The following SULF1 variants were observed in gnomAD, a reference collection of about 807,000 sequenced individuals.
SULF1 encodes sulfatase 1.
In SULF1, 46 loss-of-function variants were observed where a neutral mutation model predicts 110.5. The observed-to-expected ratio is 0.42, with a 90% CI of 0.33 to 0.53. SULF1 has a LOEUF of 0.53. Ranked by LOEUF, SULF1 falls within the 20% of genes least tolerant of loss-of-function variation. The pLI is 0.12. For missense variants in SULF1, 941 were observed against 1,094.2 expected, an observed-to-expected ratio of 0.86 and a Z score of 1.98; for synonymous variants, 371 against 387.1, an observed-to-expected ratio of 0.96 and a Z score of 0.49.
At chr8:69,575,438 G>A (rs1805536501) in intron 5 of SULF1, among the ~76,000 whole-genome samples, 1 of 152,184 alleles carries the variant, frequency 6.6e-6, no homozygotes, top group Non-Finnish European at 1.5e-5. Context: ...ATACCAACTT[G>A]CATTGAAGAT....
intron 8 of SULF1, among the ~76,000 whole-genome samples, chr8:69,594,260 A>G (rs1425025892): frequency 6.6e-6 from 1 of 152,184 alleles, no homozygotes; most frequent in African/African-American, 2.4e-5. Flanking sequence ...CATGTTGTTC[A>G]GGCTGGTCTT....
intron 1 of SULF1, among the ~76,000 whole-genome samples, chr8:69,494,696 G>A (rs1410363712): frequency 6.6e-6 from 1 of 152,154 alleles, no homozygotes; most frequent in East Asian, 1.9e-4. Flanking sequence ...GCTTTGATGA[G>A]ATCTGGATTT....
chr8:69,631,047 G>A (rs1810499371), intron 19 of SULF1, among the ~76,000 whole-genome samples: 1 of 151,926 alleles, frequency 6.6e-6, no homozygotes, highest in African/African-American at 2.4e-5. Flanking sequence ...CTCTTTCGGA[G>A]AGCGTGGGGA....
At chr8:69,570,915 C>T (rs1409915572) in intron 5 of SULF1, among the ~76,000 whole-genome samples, 2 of 152,206 alleles carry the variant, frequency 1.3e-5, no homozygotes, top group Non-Finnish European at 2.9e-5. Context: ...CCTTCCCTCT[C>T]ATCAAGCCAG....
intron 6 of SULF1, among the ~76,000 whole-genome samples, chr8:69,577,201 T>C (rs1805670894): frequency 6.6e-6 from 1 of 152,206 alleles, no homozygotes; most frequent in Non-Finnish European, 1.5e-5. Flanking sequence ...GGAAAGAAAC[T>C]AGGTTACGTA....
At chr8:69,544,556 C>T (rs1370734092) in intron 3 of SULF1, among the ~76,000 whole-genome samples, 1 of 152,166 alleles carries the variant, frequency 6.6e-6, no homozygotes, top group Non-Finnish European at 1.5e-5. Context: ...GGTGAGCCAC[C>T]ACACCTGGCC....
chr8:69,628,134 G>C (rs774308906), intron 17 of SULF1, 37 bp from the exon 18 acceptor site: 1 of 1,529,292 alleles, frequency 6.5e-7, no homozygotes, highest in African/African-American at 1.4e-5. Flanking sequence ...CCAATGCAAG[G>C]CTATGAAGTC....
chr8:69,567,989 C>T (rs1263379854), intron 5 of SULF1, among the ~76,000 whole-genome samples: 1 of 152,178 alleles, frequency 6.6e-6, no homozygotes. Flanking sequence ...CACATCCATG[C>T]CCACACTTGT....
Position 69,640,730 on chromosome 8 carries a change from T to C in SULF1, c.2552-78T>C, listed in dbSNP as rs557607496. 10 of 1,234,646 alleles carry C rather than the reference T, an allele frequency of 8.1e-6. No homozygotes were observed. The Admixed American group carries it at 1.3e-4, about 16-fold the overall frequency. 76.5% of individuals were successfully genotyped at this position (1,234,646 alleles called of 1,614,324 possible). A position where few individuals can be genotyped will look rare whatever the true frequency, so the allele number is the denominator to read the frequency against. ...GTTTCTTTCTAGGATTTAGATGTTG[T>C]GCATGAAAAACTATATAGTGAATGG... On this transcript the variant is annotated intron_variant, in intron 21 of 22. Transcript: ENST00000402687.
At chr8:69,485,038 C>T (rs1809650291) in intron 1 of SULF1, among the ~76,000 whole-genome samples, 1 of 152,084 alleles carries the variant, frequency 6.6e-6, no homozygotes, top group Non-Finnish European at 1.5e-5. Context: ...TCACAGCTGC[C>T]CTCTGAGCAA....
intron 13 of SULF1, among the ~76,000 whole-genome samples, chr8:69,611,484 C>A (rs141903778): frequency 6.6e-6 from 1 of 152,140 alleles, no homozygotes; most frequent in Non-Finnish European, 1.5e-5. Flanking sequence ...GAGATAAATC[C>A]TCCTGGCACA....
intron 3 of SULF1, among the ~76,000 whole-genome samples, chr8:69,536,287 C>T (rs1016557552): frequency 6.6e-6 from 1 of 152,128 alleles, no homozygotes; most frequent in Non-Finnish European, 1.5e-5. Context: ...CTAAGAAGGG[C>T]TTGTCTAGTT....
At chr8:69,536,602 A>C (rs1427304389) in intron 3 of SULF1, among the ~76,000 whole-genome samples, 1 of 152,188 alleles carries the variant, frequency 6.6e-6, no homozygotes, top group Non-Finnish European at 1.5e-5. Context: ...TCCCAGGCTA[A>C]AGTGGGCTGC....
chr8:69,650,282 A>C (rs150696541), intron 22 of SULF1, among the ~76,000 whole-genome samples: 20 of 152,086 alleles, frequency 1.3e-4, no homozygotes, highest in African/African-American at 4.8e-4. Context: ...GATTACAGTC[A>C]TGAACCATCG....
At chr8:69,469,835 A>G (rs1321296375) in intron 1 of SULF1, among the ~76,000 whole-genome samples, 1 of 152,260 alleles carries the variant, frequency 6.6e-6, no homozygotes, top group Non-Finnish European at 1.5e-5. Context: ...TGAGATCAGG[A>G]GTTCAAGTCC....
chr8:69,627,290 C>T lies in SULF1; in HGVS notation c.1931C>T (p.Ala644Val). The T allele has an allele frequency of 6.2e-7, 1 of 1,613,618 alleles. No individual in the cohort carries two copies. The highest frequency in any genetic ancestry group is 8.5e-7 in the Non-Finnish European group (1 of 1,179,522). Residue 644 changes from alanine (A) to valine (V), a missense_variant, in exon 16 of 23, where the codon GCA becomes GTA. By Grantham distance (64) the Ala-to-Val change is moderately conservative (BLOSUM62 0). This residue lies in a region of SULF1 where 822 missense variants were observed against 934.3 expected (regional missense o/e 0.88). Coordinates refer to ENST00000402687, the MANE Select transcript of SULF1 (RefSeq NM_001128205.2). Reference sequence around the variant, plus strand: ...GCCAGAGCGTGGAAGGACCATAAGGCATACATTGACAAAGAGGTTAGCCAT... The same window carrying T: ...GCCAGAGCGTGGAAGGACCATAAGGTATACATTGACAAAGAGGTTAGCCAT... ...QSARAWKDHK[A>V]YIDKEIEALQ...
At position 69,627,265 on chromosome 8, in the gene SULF1, G is replaced by A. The variant is rs749377272; in HGVS notation, c.1906G>A (p.Ala636Thr). 2 of 1,614,102 alleles carry A rather than the reference G, an allele frequency of 1.2e-6. No individual in the cohort carries two copies. The highest frequency in any genetic ancestry group is 4.5e-5 in the East Asian group (2 of 44,876). The change falls in exon 16 of 23, where the codon GCC becomes ACC. Residue 636 changes from alanine to threonine, a missense_variant. Physicochemically the swap from Ala to Thr is moderately conservative, Grantham distance 58. Around this residue, in one of 3 missense-constraint regions of SULF1, gnomAD observed 822 missense variants for 934.3 expected, o/e 0.88. Coordinates refer to ENST00000402687, the MANE Select transcript of SULF1 (RefSeq NM_001128205.2). Reference sequence around the variant, plus strand: ...TTGTGAGAGAGAACTGTACCAATCGGCCAGAGCGTGGAAGGACCATAAGGC... The same window carrying A: ...TTGTGAGAGAGAACTGTACCAATCGACCAGAGCGTGGAAGGACCATAAGGC... The part of the protein sequence containing the change: ...IHCERELYQS[A>T]RAWKDHKAYI...
intron 5 of SULF1, among the ~76,000 whole-genome samples, chr8:69,565,809 G>A (rs951773793): frequency 1.1e-4 from 17 of 152,066 alleles, no homozygotes; most frequent in African/African-American, 3.6e-4. Context: ...CCCCAAGGCT[G>A]TTTCCCTTTC....
At chr8:69,589,751 A>G (rs1196599874) in intron 8 of SULF1, among the ~76,000 whole-genome samples, 1 of 152,092 alleles carries the variant, frequency 6.6e-6, no homozygotes, top group Non-Finnish European at 1.5e-5. Context: ...TGGAGGGATG[A>G]GACAGAACAA....
Sources: gnomAD v4.1 joint callset for allele counts (sites outside exome capture counted in the v4.1 genomes callset) on GRCh38, gnomAD v4.1.1 for gene constraint, gnomAD v4.1.1 regional missense constraint, MANE v1.5 for transcripts, NCBI Gene and HGNC (gene_info 2026-07-23, HGNC 2026-07-21) for gene names.